Variants in RFT1 observed in about 807,000 individuals in gnomAD.
RFT1 encodes man(5)GlcNAc(2)-PP-dolichol translocation protein RFT1.
Under a neutral mutation model 62.2 loss-of-function variants are expected in RFT1, and 43 were observed. The ratio of observed to expected loss-of-function variants is 0.69; its 90% CI spans 0.54 to 0.89. The LOEUF (loss-of-function observed/expected upper bound fraction) is 0.89, where lower values mean the gene tolerates loss of function less well. Among genes scored for constraint, RFT1 ranks in the 40% least tolerant of loss-of-function variants. RFT1 has a pLI of 0.00. For missense variants in RFT1, 605 were observed against 649.9 expected (o/e 0.93, Z 0.75); for synonymous variants, 262 against 264.6 (o/e 0.99, Z 0.10).
intron 11 of RFT1, among the ~76,000 whole-genome samples, chr3:53,097,672 T>A (rs1431292082): frequency 6.6e-6 from 1 of 152,224 alleles, no homozygotes; most frequent in Non-Finnish European, 1.5e-5. Context: ...ACACTAACAC[T>A]GAAGTTACCG....
At position 53,104,051 on chromosome 3, in the gene RFT1, A is replaced by G; in HGVS notation, c.1004T>C (p.Leu335Pro). The G allele has an allele frequency of 1.2e-6, 2 of 1,614,208 alleles. No individual in the cohort carries two copies. The highest frequency in any genetic ancestry group is 1.7e-6 in the Non-Finnish European group (2 of 1,180,022). Reference sequence around the variant, plus strand: ...GATGGTCAGGCCGGCCAGCAGGGCCAGCTTGAGCAGGGACTCCAAGACTGC... The same window carrying G: ...GATGGTCAGGCCGGCCAGCAGGGCCGGCTTGAGCAGGGACTCCAAGACTGC... The part of the protein sequence containing the change: ...AAAVLESLLK[L>P]ALLAGLTITV... The change falls in exon 10 of 13, where the codon CTG becomes CCG. Residue 335 changes from leucine to proline, a missense_variant. Physicochemically the swap from Leu to Pro is moderately conservative, Grantham distance 98 (BLOSUM62 -3). Coordinates refer to ENST00000296292, the MANE Select transcript of RFT1 (RefSeq NM_052859.4).
intron 11 of RFT1, among the ~76,000 whole-genome samples, chr3:53,098,436 C>T (rs1701205713): frequency 6.6e-6 from 1 of 152,094 alleles, no homozygotes; most frequent in Non-Finnish European, 1.5e-5. Context: ...TTGAGACACT[C>T]CCTCCCCATC....
chr3:53,096,285 G>C (rs1412235859), intron 11 of RFT1, among the ~76,000 whole-genome samples: 2 of 152,012 alleles, frequency 1.3e-5, no homozygotes, highest in African/African-American at 4.8e-5. Context: ...TTTGCGAAAT[G>C]AAAGAAAATT....
intron 6 of RFT1, among the ~76,000 whole-genome samples, chr3:53,112,618 C>T (rs1272323666): frequency 6.6e-6 from 1 of 152,162 alleles, no homozygotes; most frequent in African/African-American, 2.4e-5. Flanking sequence ...TGCTACGTGT[C>T]TGTAATCTCA....
the RFT1 span, among the ~76,000 whole-genome samples, chr3:53,069,004 A>G: frequency 6.6e-6 from 1 of 152,218 alleles, no homozygotes; most frequent in Non-Finnish European, 1.5e-5. Flanking sequence ...CAATGGCACA[A>G]TCTCAGCTCA....
intron 10 of RFT1, among the ~76,000 whole-genome samples, chr3:53,099,988 A>G (rs541250229): frequency 2.0e-5 from 3 of 152,186 alleles, no homozygotes; most frequent in Non-Finnish European, 4.4e-5. Context: ...ACCTTATCAC[A>G]CACACAAAAA....
the RFT1 span, among the ~76,000 whole-genome samples, chr3:53,070,402 T>G: frequency 7.3e-6 from 1 of 136,776 alleles, no homozygotes; most frequent in Admixed American, 7.3e-5. Flanking sequence ...GGTTTTTTTT[T>G]TTTTTTTTTT....
At chr3:53,104,698 A>C (rs551021456) in intron 9 of RFT1, among the ~76,000 whole-genome samples, 21 of 152,348 alleles carry the variant, frequency 1.4e-4, no homozygotes, top group Non-Finnish European at 2.2e-4. Flanking sequence ...ATTGTGCATA[A>C]ACTGTATTTT....
rs1201237484 is a variant in RFT1, at chr3:53,130,394, T to C, written c.7A>G (p.Ser3Gly). The change falls in exon 1 of 13, where the codon AGC becomes GGC. Residue 3 changes from serine (S) to glycine (G), a missense_variant. Ser to Gly is a moderately conservative substitution (Grantham distance 56). Coordinates refer to ENST00000296292, the MANE Select transcript of RFT1 (RefSeq NM_052859.4). MG[S>G]QEVLGHAARL... ...GCCGCGTGGCCCAGCACCTCCTGGCTGCCCATAGCCTCCGCGCCAGGCTCA... is the reference window on the plus strand; with the variant it reads ...GCCGCGTGGCCCAGCACCTCCTGGCCGCCCATAGCCTCCGCGCCAGGCTCA... 4 of 1,554,960 alleles carry C rather than the reference T, an allele frequency of 2.6e-6. No individual in the cohort carries two copies. The highest frequency in any genetic ancestry group is 3.5e-6 in the Non-Finnish European group (4 of 1,149,442).
chr3:53,068,295 G>A, the RFT1 span, among the ~76,000 whole-genome samples: 4 of 151,870 alleles, frequency 2.6e-5, no homozygotes, highest in Admixed American at 6.6e-5. Context: ...CTAAACTTCT[G>A]AGCACTGGCT....
In RFT1 at chr3:53,103,955, G is replaced by T. The variant is rs991499046; in HGVS notation, c.1100C>A (p.Ser367Tyr). ...TCCAGAAAAACTCTTGTGCGTACCG[G>T]ATCCTGAGCTAAGCATGGTCCCTCC... ...IYGGTMLSSGSGPVLLRSYCL... is the reference protein window; with the variant it reads ...IYGGTMLSSGYGPVLLRSYCL... The change falls in exon 10 of 13, where the codon TCC becomes TAC. Residue 367 changes from serine to tyrosine, a missense_variant and splice_region_variant. Transcript: ENST00000296292. 1.2e-6 allele frequency: 2 copies of T among 1,614,076 alleles called. No individual in the cohort carries two copies. The highest frequency in any genetic ancestry group is 1.3e-5 in the African/African-American group (1 of 74,928).
chr3:53,091,911 T>C lies in RFT1; in HGVS notation c.1618A>G (p.Met540Val). The change falls in exon 13 of 13, where the codon ATG becomes GTG. Residue 540 changes from methionine to valine, a missense_variant. Met to Val is a conservative substitution (Grantham distance 21, BLOSUM62 1). Coordinates refer to ENST00000296292, the MANE Select transcript of RFT1 (RefSeq NM_052859.4). ...TCCAGGCTTCCCTGAAGTCATGTCA[T>C]TTTGTCAGTGCGTCTGGGCACACCT... ...QLGVPRRTDK[M>V]T 1 of 1,614,158 alleles carries C rather than the reference T, an allele frequency of 6.2e-7. No homozygotes were observed. The highest frequency in any genetic ancestry group is 8.5e-7 in the Non-Finnish European group (1 of 1,180,020).
chr3:53,108,351 C>T (rs1701548958), intron 7 of RFT1, among the ~76,000 whole-genome samples: 1 of 151,118 alleles, frequency 6.6e-6, no homozygotes, highest in Non-Finnish European at 1.5e-5. Flanking sequence ...TGTGCCTGGC[C>T]TCAAACACAG....
chr3:53,129,460 G>A (rs1195402143), intron 1 of RFT1, among the ~76,000 whole-genome samples: 2 of 152,014 alleles, frequency 1.3e-5, no homozygotes, highest in East Asian at 3.9e-4. Flanking sequence ...ATTCTGCTTG[G>A]TTCTTTCTTC....
intron 3 of RFT1, 57 bp downstream of exon 3, chr3:53,123,667 C>G: frequency 5.1e-6 from 7 of 1,359,966 alleles, no homozygotes; most frequent in Non-Finnish European, 1.1e-6. Flanking sequence ...TGTTTCATTT[C>G]CAATGCTCAC....
the RFT1 span, among the ~76,000 whole-genome samples, chr3:53,079,940 G>A: frequency 6.9e-6 from 1 of 145,322 alleles, no homozygotes; most frequent in Non-Finnish European, 1.5e-5. Context: ...GGCCATGTGG[G>A]GGTGCAGGGG....
chr3:53,128,247 G>A (rs990246814), intron 1 of RFT1, among the ~76,000 whole-genome samples: 2 of 152,086 alleles, frequency 1.3e-5, no homozygotes, highest in African/African-American at 2.4e-5. Context: ...GCAGTGAGCC[G>A]AGATAGTGCC....
At chr3:53,103,771 G>T in intron 10 of RFT1, 182 bp downstream of exon 10, 1 of 746,570 alleles carries the variant, frequency 1.3e-6, no homozygotes, top group Non-Finnish European at 2.3e-6. Context: ...CAACGCCCCT[G>T]CCTATACCTT....
chr3:53,111,136 G>C (rs1701636149), intron 7 of RFT1, among the ~76,000 whole-genome samples: 1 of 152,216 alleles, frequency 6.6e-6, no homozygotes. Flanking sequence ...TAAAAAGGCT[G>C]GGTGTGGTGG....
Sources: allele counts gnomAD v4.1 joint callset (sites outside exome capture counted in the v4.1 genomes callset), GRCh38; gene constraint gnomAD v4.1.1; transcripts MANE v1.5; gene names NCBI Gene and HGNC (gene_info 2026-07-23, HGNC 2026-07-21).